The following VEGFC variants were observed in gnomAD, a reference collection of about 807,000 sequenced individuals.
VEGFC encodes FLT4 ligand DHM.
In VEGFC, 12 loss-of-function variants were observed where a neutral mutation model predicts 46.1. The observed-to-expected ratio is 0.26, with a 90% CI of 0.17 to 0.42. VEGFC has a LOEUF of 0.42. Ranked by LOEUF, VEGFC falls within the 10% of genes least tolerant of loss-of-function variation. The pLI is 1.00. For missense variants in VEGFC, 488 were observed against 529.4 expected (o/e 0.92, Z 0.77); for synonymous variants, 232 against 195.5 (o/e 1.19, Z -1.56).
At chr4:176,697,321 G>A (rs1486079358) in intron 4 of VEGFC, among the ~76,000 whole-genome samples, 2,615 of 150,194 alleles carry the variant, frequency 0.017, 34 homozygotes, top group Non-Finnish European at 0.025. Flanking sequence ...AAAAGTGGGC[G>A]AAGGACATGA....
At chr4:176,736,681 C>T (rs545964000) in intron 1 of VEGFC, among the ~76,000 whole-genome samples, 7 of 151,618 alleles carry the variant, frequency 4.6e-5, no homozygotes, top group Non-Finnish European at 7.4e-5. Flanking sequence ...GTTGTAAGTA[C>T]TCATTTGAAT....
intron 1 of VEGFC, among the ~76,000 whole-genome samples, chr4:176,758,148 T>C (rs1735466221): frequency 6.6e-6 from 1 of 152,144 alleles, no homozygotes; most frequent in Non-Finnish European, 1.5e-5. Flanking sequence ...GACATAGTCT[T>C]ATTAGAGTGA....
intron 1 of VEGFC, among the ~76,000 whole-genome samples, chr4:176,746,710 CTAGTA>C (rs1380080206): frequency 6.6e-6 from 1 of 152,050 alleles, no homozygotes; most frequent in East Asian, 1.9e-4. Context: ...GCTGTGGTTT[CTAGTA>C]TGAGTAAAGC....
At chr4:176,749,911 G>A (rs1735314517) in intron 1 of VEGFC, among the ~76,000 whole-genome samples, 2 of 151,478 alleles carry the variant, frequency 1.3e-5, no homozygotes, top group South Asian at 2.1e-4. Flanking sequence ...AACATATTGT[G>A]TCTCTTCATC....
chr4:176,785,918 T>G (rs943251850), intron 1 of VEGFC, among the ~76,000 whole-genome samples: 18 of 152,188 alleles, frequency 1.2e-4, no homozygotes, highest in African/African-American at 4.3e-4. Context: ...ATGGCAGAGA[T>G]GTCTATTTCT....
At chr4:176,773,136 T>C (rs1279353541) in intron 1 of VEGFC, among the ~76,000 whole-genome samples, 1 of 152,204 alleles carries the variant, frequency 6.6e-6, no homozygotes, top group African/African-American at 2.4e-5. Flanking sequence ...TTGAATGTGT[T>C]AAGGCAACAA....
At chr4:176,746,566 ACCTCTT>A (rs1735260677) in intron 1 of VEGFC, among the ~76,000 whole-genome samples, 1 of 151,430 alleles carries the variant, frequency 6.6e-6, no homozygotes, top group Non-Finnish European at 1.5e-5. Flanking sequence ...ACTTTTAAAA[ACCTCTT>A]CCTCTTCCTT....
intron 1 of VEGFC, among the ~76,000 whole-genome samples, chr4:176,782,541 T>C (rs1329428893): frequency 6.6e-6 from 1 of 151,882 alleles, no homozygotes. Flanking sequence ...AAAATTACTA[T>C]GAAGAAAATC....
intron 1 of VEGFC, among the ~76,000 whole-genome samples, chr4:176,763,614 T>C (rs1735568005): frequency 6.6e-6 from 1 of 152,194 alleles, no homozygotes; most frequent in Admixed American, 6.5e-5. Flanking sequence ...GTTATATTCT[T>C]TCACGTAATC....
At chr4:176,734,388 T>G (rs1164929217) in intron 1 of VEGFC, among the ~76,000 whole-genome samples, 1 of 151,876 alleles carries the variant, frequency 6.6e-6, no homozygotes, top group Non-Finnish European at 1.5e-5. Context: ...TAGCAGTTAC[T>G]GTAATAAATA....
intron 4 of VEGFC, among the ~76,000 whole-genome samples, chr4:176,710,311 G>A (rs1459389431): frequency 6.6e-6 from 1 of 152,154 alleles, no homozygotes; most frequent in African/African-American, 2.4e-5. Context: ...AGCCTGCGGG[G>A]ATGAAATTGC....
At chr4:176,685,292 T>G (rs1734018742) in intron 6 of VEGFC, among the ~76,000 whole-genome samples, 1 of 152,230 alleles carries the variant, frequency 6.6e-6, no homozygotes, top group South Asian at 2.1e-4. Flanking sequence ...TGATACTTAA[T>G]GATCCATAAA....
At chr4:176,763,621 A>C (rs1735568047) in intron 1 of VEGFC, among the ~76,000 whole-genome samples, 1 of 152,196 alleles carries the variant, frequency 6.6e-6, no homozygotes. Flanking sequence ...TCTTTCACGT[A>C]ATCAATATTT....
At chr4:176,715,739 A>G (rs1734689065) in intron 3 of VEGFC, among the ~76,000 whole-genome samples, 1 of 152,088 alleles carries the variant, frequency 6.6e-6, no homozygotes, top group African/African-American at 2.4e-5. Context: ...TTTTTTTCCT[A>G]GATAGTATGT....
chr4:176,755,935 T>C (rs1174260680), intron 1 of VEGFC, among the ~76,000 whole-genome samples: 1 of 152,058 alleles, frequency 6.6e-6, no homozygotes, highest in Non-Finnish European at 1.5e-5. Context: ...GAATGCTATA[T>C]TCCTATGCCA....
chr4:176,780,387 A>AAAAAAAAACAAAAAAC (rs1553997804), intron 1 of VEGFC, among the ~76,000 whole-genome samples: 1 of 114,760 alleles, frequency 8.7e-6, no homozygotes, highest in South Asian at 3.0e-4. Context: ...ATCTCAAAAA[A>AAAAAAAAACAAAAAAC]AAAAAAAAAA....
chr4:176,724,395 C>T (rs6820170), intron 3 of VEGFC, among the ~76,000 whole-genome samples: 109,797 of 152,112 alleles, frequency 0.72, 44,334 homozygotes, highest in East Asian at 0.94. Flanking sequence ...AAGTAGTGAA[C>T]GGATCTGTTT....
intron 1 of VEGFC, among the ~76,000 whole-genome samples, chr4:176,790,957 A>G (rs1344733144): frequency 2.0e-5 from 3 of 152,144 alleles, no homozygotes; most frequent in Non-Finnish European, 4.4e-5. Context: ...CATTCCTTTA[A>G]CCCCTATATT....
intron 1 of VEGFC, among the ~76,000 whole-genome samples, chr4:176,784,291 A>G (rs1182930321): frequency 1.3e-5 from 2 of 151,768 alleles, no homozygotes; most frequent in Non-Finnish European, 2.9e-5. Flanking sequence ...GCTGGTCTCA[A>G]ACTCCTGGGT....
Sources: allele counts gnomAD v4.1 joint callset (sites outside exome capture counted in the v4.1 genomes callset), GRCh38; gene constraint gnomAD v4.1.1; transcripts MANE v1.5; gene names NCBI Gene and HGNC (gene_info 2026-07-23, HGNC 2026-07-21).